The following UPP2 variants were observed in gnomAD, a reference collection of about 807,000 sequenced individuals.
UPP2 encodes UPase 2.
In UPP2, 23 loss-of-function variants were observed where a neutral mutation model predicts 26.7. The ratio of observed to expected loss-of-function variants is 0.86; its 90% CI spans 0.62 to 1.22. The LOEUF (loss-of-function observed/expected upper bound fraction) is 1.22, where lower values mean the gene tolerates loss of function less well. Ranked by LOEUF, UPP2 falls within the 50% of genes most tolerant of loss-of-function variation. The pLI, the probability that UPP2 is intolerant of heterozygous loss-of-function variation, is 0.00. For missense variants in UPP2, 387 were observed against 396.7 expected (o/e 0.98, Z 0.21); for synonymous variants, 127 against 141.3 (o/e 0.90, Z 0.72).
chr2:158,119,628 T>C (rs976745281), intron 4 of UPP2, among the ~76,000 whole-genome samples: 5 of 152,000 alleles, frequency 3.3e-5, no homozygotes, highest in African/African-American at 4.8e-5. Flanking sequence ...ATAAATAACA[T>C]CATTTTTATG....
intron 6 of UPP2, chr2:158,126,286 G>A (rs1683692370): frequency 6.6e-6 from 1 of 152,224 alleles, no homozygotes; most frequent in African/African-American, 2.4e-5. Context: ...TTCTTATGCT[G>A]CTGCTGGACC....
chr2:158,097,667 C>T (rs1199872107), upstream of UPP2, among the ~76,000 whole-genome samples: 1 of 152,178 alleles, frequency 6.6e-6, no homozygotes, highest in East Asian at 1.9e-4. Context: ...ATGGGTCAGC[C>T]TCCACTACAC....
chr2:158,005,816 G>A (rs1683478767), intron 2 of UPP2, among the ~76,000 whole-genome samples: 1 of 152,130 alleles, frequency 6.6e-6, no homozygotes, highest in Admixed American at 6.5e-5. Context: ...TCCTGGCCCA[G>A]CCCCCGAAGG....
chr2:158,065,173 C>T (rs1187064380), intron 3 of UPP2, among the ~76,000 whole-genome samples: 2 of 152,124 alleles, frequency 1.3e-5, no homozygotes, highest in African/African-American at 2.4e-5. Context: ...AGATCACTGC[C>T]AGGCATAGCA....
chr2:158,129,962 G>A (rs1683778028), intron 6 of UPP2, among the ~76,000 whole-genome samples: 1 of 151,938 alleles, frequency 6.6e-6, no homozygotes, highest in Non-Finnish European at 1.5e-5. Context: ...TGTGGTTGTT[G>A]TTGTTTTTGC....
intron 3 of UPP2, among the ~76,000 whole-genome samples, chr2:158,051,940 T>C (rs917249532): frequency 2.6e-5 from 4 of 152,144 alleles, no homozygotes; most frequent in South Asian, 2.1e-4. Context: ...GGCACACATA[T>C]CCTCTGCTGG....
At chr2:158,116,084 C>CT (rs1212946106) in intron 3 of UPP2, among the ~76,000 whole-genome samples, 4 of 152,170 alleles carry the variant, frequency 2.6e-5, no homozygotes, top group Non-Finnish European at 4.4e-5. Context: ...GATTGCCCTA[C>CT]AGTGTGGACA....
intron 2 of UPP2, among the ~76,000 whole-genome samples, chr2:158,008,678 A>G (rs1683530485): frequency 6.6e-6 from 1 of 152,222 alleles, no homozygotes; most frequent in South Asian, 2.1e-4. Context: ...AATTTGGATC[A>G]TTATTCTCTT....
chr2:158,026,198 G>A (rs186525650), intron 3 of UPP2, among the ~76,000 whole-genome samples: 1 of 152,236 alleles, frequency 6.6e-6, no homozygotes, highest in East Asian at 1.9e-4. Context: ...ATTCTAAGAG[G>A]TTTCTCTTTC....
intron 3 of UPP2, among the ~76,000 whole-genome samples, chr2:158,086,739 A>G (rs560603539): frequency 6.6e-6 from 1 of 152,068 alleles, no homozygotes; most frequent in Admixed American, 6.5e-5. Flanking sequence ...TCTTGATTTC[A>G]TTGTTGACCC....
rs1402290071 is a variant in UPP2, at chr2:158,012,350, C to G, written c.62-3451C>G. Reference sequence around the variant, plus strand: ...TGAAACGATCTCGGCTCGCTGCAACCTCTGCCTACCGGATTCAAGTGATTC... The same window carrying G: ...TGAAACGATCTCGGCTCGCTGCAACGTCTGCCTACCGGATTCAAGTGATTC... On this transcript the variant is annotated intron_variant, in intron 2 of 9. Coordinates refer to the UPP2 transcript ENST00000605860. Among the ~76,000 whole-genome samples, 3 of 147,204 alleles carry G rather than the reference C, an allele frequency of 2.0e-5. No individual in the cohort carries two copies. The East Asian group carries it at 6.1e-4, about 30-fold the overall frequency.
chr2:158,106,875 T>A (rs76035697), intron 2 of UPP2, among the ~76,000 whole-genome samples: 3,677 of 151,304 alleles, frequency 0.024, 121 homozygotes, highest in African/African-American at 0.075. Flanking sequence ...GATCAACTCA[T>A]TTTTTTCTTT....
At chr2:158,067,981 A>G (rs1183935234) in intron 3 of UPP2, among the ~76,000 whole-genome samples, 3 of 152,180 alleles carry the variant, frequency 2.0e-5, no homozygotes, top group African/African-American at 7.2e-5. Context: ...TTCTGCATTA[A>G]TAAGGCATTG....
chr2:158,106,066 T>C, intron 1 of UPP2, 33 bp from the exon 2 acceptor site: 1 of 1,487,692 alleles, frequency 6.7e-7, no homozygotes, highest in East Asian at 2.4e-5. Flanking sequence ...TCAAAATTCT[T>C]TTATATCTTC....
chr2:158,101,906 T>A lies in UPP2; in HGVS notation c.-158T>A. 1 of 1,353,706 alleles carries A rather than the reference T, an allele frequency of 7.4e-7. No homozygotes were observed. The highest frequency in any genetic ancestry group is 9.5e-7 in the Non-Finnish European group (1 of 1,054,922). The allele number at this position is 1,353,706 out of a possible 1,614,324, so 83.9% of individuals were successfully genotyped here. A position where few individuals can be genotyped will look rare whatever the true frequency, so the allele number is the denominator to read the frequency against. Reference sequence around the variant, plus strand: ...AAAATTTAAAATGCTAAAGGAAAAATTTTCTTAGCAATTTCACAGGAAAAC... The same window carrying A: ...AAAATTTAAAATGCTAAAGGAAAAAATTTCTTAGCAATTTCACAGGAAAAC... On this transcript the variant is annotated 5_prime_UTR_variant, in exon 1 of 7. Transcript: ENST00000005756.
chr2:158,069,592 C>T (rs1173208888), intron 3 of UPP2, among the ~76,000 whole-genome samples: 2 of 152,178 alleles, frequency 1.3e-5, no homozygotes, highest in Admixed American at 6.5e-5. Context: ...CCCTAGAACC[C>T]TTTGTGTTCT....
At chr2:158,131,918 C>G (rs183664387) in intron 6 of UPP2, among the ~76,000 whole-genome samples, 281 of 152,300 alleles carry the variant, frequency 1.8e-3, no homozygotes, top group African/African-American at 4.1e-3. Flanking sequence ...TCTTTTCTAT[C>G]TTTGGCATTC....
At chr2:158,073,025 T>A (rs13430174) in intron 3 of UPP2, among the ~76,000 whole-genome samples, 2,441 of 152,188 alleles carry the variant, frequency 0.016, 72 homozygotes, top group African/African-American at 0.055. Context: ...AGATATGTGA[T>A]CTTTCAGACA....
intron 2 of UPP2, chr2:157,995,288 C>G: frequency 6.8e-6 from 11 of 1,608,088 alleles, no homozygotes; most frequent in Non-Finnish European, 9.4e-6. Context: ...GAAATACATT[C>G]ATGTCTAAGC....
Sources: gnomAD v4.1 joint callset for allele counts (sites outside exome capture counted in the v4.1 genomes callset) on GRCh38, gnomAD v4.1.1 for gene constraint, MANE v1.5 for transcripts, NCBI Gene and HGNC (gene_info 2026-07-23, HGNC 2026-07-21) for gene names.